The following SETX variants were observed in gnomAD, a reference collection of about 807,000 sequenced individuals.
SETX encodes the protein senataxin, also known as helicase senataxin.
Under a neutral mutation model 227.2 loss-of-function variants are expected in SETX, and 90 were observed. The observed-to-expected ratio is 0.40, with a 90% CI of 0.33 to 0.47. The LOEUF is 0.47. Ranked by LOEUF, SETX falls within the 20% of genes least tolerant of loss-of-function variation. The pLI, the probability that SETX is intolerant of heterozygous loss-of-function variation, is 0.91. For missense variants in SETX, 3,052 were observed against 3,181.5 expected (o/e 0.96, Z 0.98); for synonymous variants, 1,210 against 1,113.2 (o/e 1.09, Z -1.73).
chr9:132,268,114 T>A (rs1842733038), intron 25 of SETX, among the ~76,000 whole-genome samples: 1 of 152,252 alleles, frequency 6.6e-6, no homozygotes, highest in South Asian at 2.1e-4. Flanking sequence ...GATCACGTTT[T>A]AACACTCAGA....
intron 15 of SETX, 71 bp downstream of exon 15, chr9:132,295,801 T>C: frequency 1.4e-6 from 2 of 1,420,822 alleles, no homozygotes; most frequent in Non-Finnish European, 9.8e-7. Flanking sequence ...GCTCTTTCCT[T>C]TGTCATTCAA....
chr9:132,339,425 C>T (rs1296346771), intron 5 of SETX, among the ~76,000 whole-genome samples: 3 of 152,174 alleles, frequency 2.0e-5, no homozygotes, highest in African/African-American at 7.2e-5. Flanking sequence ...TGCACTCCAG[C>T]CTGGGTGACA....
intron 22 of SETX, among the ~76,000 whole-genome samples, 195 bp downstream of exon 22, chr9:132,276,865 C>G (rs1408013117): frequency 6.6e-6 from 1 of 152,218 alleles, no homozygotes; most frequent in Non-Finnish European, 1.5e-5. Context: ...AGTATCTACT[C>G]AAGCACTTGC....
Position 132,327,043 on chromosome 9 carries a change from G to T in SETX, c.4555C>A (p.Leu1519Ile). The T allele has an allele frequency of 2.5e-6, 4 of 1,614,130 alleles. No homozygotes were observed. The highest frequency in any genetic ancestry group is 3.4e-6 in the Non-Finnish European group (4 of 1,180,032). The change falls in exon 10 of 26, where the codon CTC becomes ATC. Residue 1519 changes from leucine (L) to isoleucine (I), a missense_variant. Transcript: ENST00000224140. ...CSQMENDNYK[L>I]IELIHGKDTV... The stretch of plus-strand genomic sequence containing the variant: ...TCTTTTCCATGAATTAGTTCAATGA[G>T]TTTATAATTGTCATTCTCCATTTGT...
chr9:132,272,553 C>A (rs1252889867), intron 23 of SETX, among the ~76,000 whole-genome samples: 1 of 151,998 alleles, frequency 6.6e-6, no homozygotes, highest in Non-Finnish European at 1.5e-5. Flanking sequence ...GGGGCTCAAG[C>A]AATCCTCCTT....
intron 10 of SETX, among the ~76,000 whole-genome samples, chr9:132,314,870 TA>T (rs907037197): frequency 2.7e-5 from 4 of 148,806 alleles, no homozygotes; most frequent in African/African-American, 4.9e-5. Flanking sequence ...AAATTCTCTT[TA>T]AAAAAAATTA....
Position 132,328,514 on chromosome 9 carries a change from C to T in SETX, c.3084G>A (p.Leu1028=), listed in dbSNP as rs758584169. Residue 1028 remains leucine, a synonymous_variant, in exon 10 of 26, where the codon CTG becomes CTA. Coordinates refer to ENST00000224140, the MANE Select transcript of SETX (RefSeq NM_015046.7). The part of the protein sequence containing the change: ...DSDDDDDERI[L]SLEKLTKQDK... ...CCTGTTTAGTGAGTTTCTCAAGACTCAGGATTCTTTCATCATCATCATCAT... is the reference window on the plus strand; with the variant it reads ...CCTGTTTAGTGAGTTTCTCAAGACTTAGGATTCTTTCATCATCATCATCAT... 1.2e-6 allele frequency: 2 copies of T among 1,613,912 alleles called. No individual in the cohort carries two copies. Among genetic ancestry groups the T allele is most frequent in the Non-Finnish European group, 1.7e-6 (2 of 1,179,998 alleles).
At chr9:132,282,108 A>T (rs1843561391) in intron 19 of SETX, among the ~76,000 whole-genome samples, 1 of 151,710 alleles carries the variant, frequency 6.6e-6, no homozygotes, top group Non-Finnish European at 1.5e-5. Context: ...CTAAAAAAAA[A>T]ATCAAACTTG....
At chr9:132,296,061 C>G in intron 14 of SETX, 33 bp from the exon 15 acceptor site, 1 of 1,613,900 alleles carries the variant, frequency 6.2e-7, no homozygotes, top group Non-Finnish European at 8.5e-7. Flanking sequence ...ACCAAACAAA[C>G]ACACAAAAAA....
At chr9:132,311,652 T>C (rs1799966435) in intron 11 of SETX, 105 bp downstream of exon 11, 1 of 784,144 alleles carries the variant, frequency 1.3e-6, no homozygotes, top group African/African-American at 1.7e-5. Flanking sequence ...CAAATTTAGC[T>C]TAGAAAATTT....
intron 18 of SETX, among the ~76,000 whole-genome samples, chr9:132,285,068 G>A (rs1158776056): frequency 2.0e-5 from 3 of 151,944 alleles, no homozygotes; most frequent in Admixed American, 6.6e-5. Context: ...TATTAGAGAC[G>A]GGGTTTCACT....
chr9:132,293,125 A>G (rs56676672), intron 15 of SETX, among the ~76,000 whole-genome samples: 13,044 of 152,262 alleles, frequency 0.086, 844 homozygotes, highest in African/African-American at 0.18. Flanking sequence ...AGAATCAAAG[A>G]TATTTTAACA....
intron 3 of SETX, among the ~76,000 whole-genome samples, chr9:132,348,373 C>CAAAAAAAAA (rs11376483): frequency 8.2e-6 from 1 of 122,438 alleles, no homozygotes; most frequent in Non-Finnish European, 1.6e-5. Context: ...AAAAAAAAAA[C>CAAAAAAAAA]AAAACAAAAA....
intron 2 of SETX, among the ~76,000 whole-genome samples, chr9:132,350,894 C>T (rs542445691): frequency 6.6e-6 from 1 of 152,240 alleles, no homozygotes; most frequent in Admixed American, 6.5e-5. Flanking sequence ...ACACAGTTCT[C>T]ATCGACGTGG....
chr9:132,322,497 G>A (rs1846425947), intron 10 of SETX, among the ~76,000 whole-genome samples: 1 of 152,108 alleles, frequency 6.6e-6, no homozygotes, highest in South Asian at 2.1e-4. Context: ...TTCTGTCCCT[G>A]ACTTATTTCA....
At chr9:132,319,013 G>A (rs1421501396) in intron 10 of SETX, among the ~76,000 whole-genome samples, 1 of 152,158 alleles carries the variant, frequency 6.6e-6, no homozygotes, top group African/African-American at 2.4e-5. Context: ...CCTGGCTTCA[G>A]CAATGTCACT....
intron 11 of SETX, among the ~76,000 whole-genome samples, chr9:132,301,401 A>G (rs1225197326): frequency 6.6e-6 from 1 of 151,962 alleles, no homozygotes; most frequent in African/African-American, 2.4e-5. Context: ...CTGGTTTTTA[A>G]CTAAATTTCT....
intron 20 of SETX, 92 bp downstream of exon 20, chr9:132,281,375 G>A (rs1843490733): frequency 1.2e-6 from 1 of 840,402 alleles, no homozygotes; most frequent in African/African-American, 1.7e-5. Flanking sequence ...CAAATTAAGA[G>A]GCCAATCCAA....
chr9:132,328,400 C>A lies in SETX; in HGVS notation c.3198G>T (p.Lys1066Asn), dbSNP rs1181839287. 1.9e-6 allele frequency: 3 copies of A among 1,613,868 alleles called. No individual in the cohort carries two copies. The highest frequency in any genetic ancestry group is 1.3e-5 in the African/African-American group (1 of 74,916). The change falls in exon 10 of 26, where the codon AAG becomes AAT. Residue 1066 changes from lysine to asparagine, a missense_variant. Transcript: ENST00000224140. Reference sequence around the variant, plus strand: ...CCTCAAACTGAAAAAGAGTCTCTGTCTTTTCTTCCTTTACTGGATTCTTTT... The same window carrying A: ...CCTCAAACTGAAAAAGAGTCTCTGTATTTTCTTCCTTTACTGGATTCTTTT... ...KEEKNPVKEEKTETLFQFEES... is the reference protein window; with the variant it reads ...KEEKNPVKEENTETLFQFEES...
Sources: allele counts gnomAD v4.1 joint callset (sites outside exome capture counted in the v4.1 genomes callset), GRCh38; gene constraint gnomAD v4.1.1; transcripts MANE v1.5; gene names NCBI Gene and HGNC (gene_info 2026-07-23, HGNC 2026-07-21).